CDC42BPA: variants seen among roughly 807,000 people sequenced by gnomAD.
CDC42BPA encodes the protein serine/threonine-protein kinase MRCK alpha.
A neutral mutation model predicts 223.5 loss-of-function variants in CDC42BPA; 80 were observed. That is an observed-to-expected ratio of 0.36 (90% CI 0.30 to 0.43). The LOEUF (loss-of-function observed/expected upper bound fraction) is 0.43. CDC42BPA is among the 20% of genes least tolerant of loss of function. The pLI is 1.00. For missense variants in CDC42BPA, 1,743 were observed against 2,099.9 expected, an observed-to-expected ratio of 0.83 and a Z score of 3.32; for synonymous variants, 694 against 718.6, an observed-to-expected ratio of 0.97 and a Z score of 0.55.
intron 15 of CDC42BPA, 29 bp from the exon 16 acceptor site, chr1:227,092,020 A>C: frequency 7.9e-7 from 1 of 1,262,086 alleles, no homozygotes; most frequent in Non-Finnish European, 1.1e-6. Flanking sequence ...CAAAAGGAAA[A>C]AGGGGAATTA....
At chr1:227,230,313 G>T (rs1057002564) in intron 2 of CDC42BPA, among the ~76,000 whole-genome samples, 1 of 152,194 alleles carries the variant, frequency 6.6e-6, no homozygotes, top group Non-Finnish European at 1.5e-5. Flanking sequence ...ATAAGCAAAA[G>T]TGTCATAATC....
chr1:226,994,719 C>T lies in CDC42BPA; in HGVS notation c.5133+104G>A, dbSNP rs1297743190. ...CAAGAGTGAATGCTGGCCCCTGACC[C>T]CGAACCCTGCTGCAGCTGAGGCCAA... On this transcript the variant is annotated intron_variant, in intron 36 of 36. Transcript: ENST00000366766. This position sits in a 1 kb window ranked among gnomAD's most constrained non-coding sequence, Gnocchi z 4.0. The T allele has an allele frequency of 8.0e-7, 1 of 1,250,302 alleles. No individual in the cohort carries two copies. The highest frequency in any genetic ancestry group is 2.2e-5 in the Admixed American group (1 of 45,352). The allele number at this position is 1,250,302 out of a possible 1,614,324, so 77.5% of individuals were successfully genotyped here.
chr1:227,227,219 A>G (rs1345669651), intron 2 of CDC42BPA, among the ~76,000 whole-genome samples: 4 of 152,144 alleles, frequency 2.6e-5, no homozygotes, highest in Non-Finnish European at 5.9e-5. Context: ...AAAAGAAAGA[A>G]AAAAACATAG....
chr1:227,215,794 ATTTC>A (rs1674719064), intron 2 of CDC42BPA, among the ~76,000 whole-genome samples: 1 of 152,156 alleles, frequency 6.6e-6, no homozygotes, highest in South Asian at 2.1e-4. Context: ...CATCTCTTTA[ATTTC>A]TAACTTTCTG....
intron 5 of CDC42BPA, among the ~76,000 whole-genome samples, chr1:227,190,562 AATG>A (rs1284560210): frequency 2.5e-5 from 2 of 79,346 alleles, no homozygotes; most frequent in Admixed American, 1.2e-4. Context: ...TTTGGCCTTA[AATG>A]ATTATTTAAC....
chr1:227,073,656 T>C (rs1009777032), intron 19 of CDC42BPA, among the ~76,000 whole-genome samples: 1 of 152,146 alleles, frequency 6.6e-6, no homozygotes. Flanking sequence ...TTCTACTTTA[T>C]GGACAAGCCA....
Position 227,145,499 on chromosome 1 carries a change from A to T in CDC42BPA, c.1133T>A (p.Leu378Ter). The T allele has an allele frequency of 6.2e-7, 1 of 1,612,740 alleles. No individual in the cohort carries two copies. Among genetic ancestry groups the T allele is most frequent in the Non-Finnish European group, 8.5e-7 (1 of 1,179,284 alleles). ...CAGTGTCATACTTACAGAATTTTTT[A>T]AACAATCATCATCTACATCAAAATT... is the stretch of plus-strand genomic sequence containing the variant. ...TSNFDVDDDC[L>*]KNSETMPPPT... The change falls in exon 8 of 37, where the codon TTA becomes TAA. Residue 378 changes from leucine (L) to a stop codon, truncating the protein, a stop_gained. Transcript: ENST00000366766. LOFTEE classifies it high-confidence loss of function.
chr1:227,061,194 G>A (rs1385199770), intron 21 of CDC42BPA, among the ~76,000 whole-genome samples: 3 of 152,052 alleles, frequency 2.0e-5, no homozygotes, highest in African/African-American at 2.4e-5. Context: ...AGTTATTAAT[G>A]GGAAGAACCT....
chr1:227,084,965 A>G (rs557688438), intron 16 of CDC42BPA, among the ~76,000 whole-genome samples: 2 of 152,256 alleles, frequency 1.3e-5, no homozygotes, highest in South Asian at 4.1e-4. Flanking sequence ...AGTAGGGGGG[A>G]ACATCAGCTG....
intron 21 of CDC42BPA, among the ~76,000 whole-genome samples, chr1:227,060,499 G>A (rs139195352): frequency 5.4e-4 from 82 of 152,206 alleles, no homozygotes; most frequent in Non-Finnish European, 9.4e-4. Flanking sequence ...CAGCAACAAT[G>A]TGACAAATGC....
chr1:227,224,257 G>C (rs2147896398), intron 2 of CDC42BPA, among the ~76,000 whole-genome samples: 1 of 149,756 alleles, frequency 6.7e-6, no homozygotes, highest in South Asian at 2.1e-4. Flanking sequence ...TTTTGAGATG[G>C]AGTTTCGCTC....
chr1:227,139,481 A>AT (rs1229747649), intron 10 of CDC42BPA, 95 bp downstream of exon 10: 3 of 782,028 alleles, frequency 3.8e-6, no homozygotes, highest in Non-Finnish European at 5.7e-6. Context: ...ACTTAAAATA[A>AT]TTTTTTTCAA....
intron 14 of CDC42BPA, among the ~76,000 whole-genome samples, chr1:227,110,215 G>C (rs1456165546): frequency 6.6e-6 from 1 of 151,286 alleles, no homozygotes; most frequent in East Asian, 1.9e-4. Flanking sequence ...TCTTTTTGTA[G>C]GGCTATTTCT....
intron 11 of CDC42BPA, among the ~76,000 whole-genome samples, chr1:227,121,620 G>C (rs1235078604): frequency 6.6e-6 from 1 of 151,732 alleles, no homozygotes; most frequent in Non-Finnish European, 1.5e-5. Flanking sequence ...AAAATCATAG[G>C]GTGTTTAATC....
At chr1:227,133,973 G>GAATAAATA (rs71179195) in intron 10 of CDC42BPA, among the ~76,000 whole-genome samples, 72,759 of 146,126 alleles carry the variant, frequency 0.5, 18,638 homozygotes, top group South Asian at 0.57. Flanking sequence ...AAAAATAAAT[G>GAATAAATA]AATAAATAAA....
At chr1:227,280,939 C>A (rs368891092) in intron 1 of CDC42BPA, among the ~76,000 whole-genome samples, 24 of 152,284 alleles carry the variant, frequency 1.6e-4, no homozygotes, top group African/African-American at 5.8e-4. Flanking sequence ...CCTCTCAGGG[C>A]CTCTGCCTCT....
chr1:227,040,970 A>G (rs769362428), intron 23 of CDC42BPA, among the ~76,000 whole-genome samples: 1 of 152,200 alleles, frequency 6.6e-6, no homozygotes, highest in Admixed American at 6.5e-5. Flanking sequence ...TATAATAAAT[A>G]ACCTTTCATT....
At chr1:227,209,294 G>A (rs998600122) in intron 3 of CDC42BPA, among the ~76,000 whole-genome samples, 5 of 149,776 alleles carry the variant, frequency 3.3e-5, no homozygotes, top group African/African-American at 7.4e-5. Context: ...TAATCATGTC[G>A]TCTGCAAACA....
At chr1:227,310,695 T>G (rs11804228) in intron 1 of CDC42BPA, among the ~76,000 whole-genome samples, 1 of 72,284 alleles carries the variant, frequency 1.4e-5, no homozygotes, top group Admixed American at 1.5e-4. Flanking sequence ...TGTTTTTTGT[T>G]TTTTTTTTTG....
Sources: gnomAD v4.1 joint callset for allele counts (sites outside exome capture counted in the v4.1 genomes callset) on GRCh38, gnomAD v4.1.1 for gene constraint, Gnocchi (gnomAD v3.1) non-coding constraint, MANE v1.5 for transcripts, NCBI Gene and HGNC (gene_info 2026-07-23, HGNC 2026-07-21) for gene names.